VAT1L: variants seen among roughly 807,000 people sequenced by gnomAD.
VAT1L encodes the protein putative NADPH-dependent quinone oxidoreductase VAT1L.
A neutral mutation model predicts 44.1 loss-of-function variants in VAT1L; 34 were observed. The observed-to-expected ratio is 0.77, with a 90% CI of 0.59 to 1.03. The LOEUF is 1.03. Among genes scored for constraint, VAT1L ranks in the 50% least tolerant of loss-of-function variants. The probability of loss-of-function intolerance (pLI) is 0.00; values close to 1 mark genes in which losing one functional copy is unlikely to be tolerated. For missense variants in VAT1L, 615 were observed against 538.8 expected, an observed-to-expected ratio of 1.14 and a Z score of -1.40; for synonymous variants, 253 against 202.2, an observed-to-expected ratio of 1.25 and a Z score of -2.13.
intron 7 of VAT1L, among the ~76,000 whole-genome samples, chr16:77,899,832 C>G (rs1274486885): frequency 2.0e-5 from 3 of 152,244 alleles, no homozygotes; most frequent in Admixed American, 2.0e-4. Context: ...AGTAGTAGCA[C>G]AGATTCCCTT....
intron 5 of VAT1L, among the ~76,000 whole-genome samples, chr16:77,876,792 A>G (rs567900554): frequency 1.3e-4 from 20 of 152,314 alleles, no homozygotes; most frequent in African/African-American, 4.6e-4. Context: ...AATGACTTCA[A>G]AGGAAGTTCA....
At chr16:77,851,539 G>C (rs572869386) in intron 3 of VAT1L, among the ~76,000 whole-genome samples, 1 of 152,228 alleles carries the variant, frequency 6.6e-6, no homozygotes, top group African/African-American at 2.4e-5. Flanking sequence ...TGTAGTTCCA[G>C]CTATATGAGA....
intron 4 of VAT1L, among the ~76,000 whole-genome samples, chr16:77,867,643 G>C (rs2016989176): frequency 1.3e-5 from 2 of 152,112 alleles, no homozygotes; most frequent in Non-Finnish European, 2.9e-5. Context: ...AGGATCACCT[G>C]AGGTCAGGAG....
In VAT1L at chr16:77,925,827, T is replaced by C. The variant is rs558341474; in HGVS notation, c.1077+41025T>C. Among the ~76,000 whole-genome samples, 544 of 149,088 alleles carry C rather than the reference T, an allele frequency of 3.6e-3. 7 individuals are homozygous for C. The highest frequency in any genetic ancestry group is 2.3e-3 in the Non-Finnish European group (156 of 67,990). On this transcript the variant is annotated intron_variant, in intron 7 of 8. Transcript: ENST00000302536. Reference sequence around the variant, plus strand: ...ACATAAAAAGCCAGAAGCAGCATCTTCCTTTAATTCCCCCCACCTCCCCCT... The same window carrying C: ...ACATAAAAAGCCAGAAGCAGCATCTCCCTTTAATTCCCCCCACCTCCCCCT...
chr16:77,957,976 C>G (rs2018121830), intron 7 of VAT1L, among the ~76,000 whole-genome samples: 1 of 151,982 alleles, frequency 6.6e-6, no homozygotes, highest in African/African-American at 2.4e-5. Flanking sequence ...GGTGTGCTCT[C>G]AGCTCACTGC....
chr16:77,950,437 C>CACAT (rs1444718569), intron 7 of VAT1L, among the ~76,000 whole-genome samples: 3 of 151,640 alleles, frequency 2.0e-5, no homozygotes, highest in Non-Finnish European at 4.4e-5. Context: ...CACACACACA[C>CACAT]ACACACACAC....
intron 3 of VAT1L, among the ~76,000 whole-genome samples, chr16:77,831,678 A>G (rs766514982): frequency 1.3e-4 from 20 of 152,236 alleles, no homozygotes; most frequent in Non-Finnish European, 4.4e-5. Context: ...CAAAGGAGCT[A>G]TGAGAAATAC....
rs532686403 is a variant in VAT1L at position 77,823,829 on chromosome 16, C to T, written c.364-1417C>T. Among the ~76,000 whole-genome samples the T allele has an allele frequency of 2.0e-5, 3 of 152,228 alleles. No individual in the cohort carries two copies. In the East Asian group the frequency reaches 5.8e-4, roughly 29 times the overall value. On this transcript the variant is annotated intron_variant, in intron 2 of 8. Transcript: ENST00000302536. ...GGTCAGGAGTTCACAACCAGCCTAA[C>T]ATGGTGAAACCCCGTCTCTAATAAA...
intron 4 of VAT1L, among the ~76,000 whole-genome samples, chr16:77,865,554 G>A (rs1054845346): frequency 6.6e-6 from 1 of 152,130 alleles, no homozygotes; most frequent in South Asian, 2.1e-4. Context: ...ACTATAAAGA[G>A]AAATAACTGA....
intron 7 of VAT1L, among the ~76,000 whole-genome samples, chr16:77,955,035 G>A (rs1222347762): frequency 6.6e-6 from 1 of 152,140 alleles, no homozygotes; most frequent in East Asian, 1.9e-4. Flanking sequence ...ACCATATTGT[G>A]TTCTGTTCAT....
intron 7 of VAT1L, among the ~76,000 whole-genome samples, chr16:77,921,856 ACCTCAG>A (rs5818098): frequency 0.06 from 9,170 of 151,946 alleles, 337 homozygotes; most frequent in East Asian, 0.12. Flanking sequence ...CAATCCTCCC[ACCTCAG>A]CCTCCCGAGT....
At position 77,912,195 on chromosome 16, in the gene VAT1L, G is replaced by C. The variant is rs189483527; in HGVS notation, c.1077+27393G>C. On this transcript the variant is annotated intron_variant, in intron 7 of 8. Transcript: ENST00000302536. ...GACTCTACCACTTCCCAGCATAAGT[G>C]AGTTCTCTTTAGTTGTTTTCAACAT... 7.2e-5 allele frequency among the ~76,000 whole-genome samples: 11 copies of C among 152,280 alleles called. No homozygotes were observed. In the East Asian group the frequency reaches 2.1e-3, roughly 29 times the overall value.
chr16:77,834,764 T>G (rs1430214147), intron 3 of VAT1L, among the ~76,000 whole-genome samples: 1 of 152,224 alleles, frequency 6.6e-6, no homozygotes, highest in Non-Finnish European at 1.5e-5. Flanking sequence ...CTTTTCTGCA[T>G]CCCAGACTGC....
At chr16:77,865,814 G>A (rs553552125) in intron 4 of VAT1L, among the ~76,000 whole-genome samples, 1 of 152,232 alleles carries the variant, frequency 6.6e-6, no homozygotes, top group East Asian at 1.9e-4. Flanking sequence ...TGTGGGGAGT[G>A]GGAAGAGAAG....
chr16:77,952,301 C>A (rs1201050334), intron 7 of VAT1L, among the ~76,000 whole-genome samples: 1 of 152,106 alleles, frequency 6.6e-6, no homozygotes, highest in African/African-American at 2.4e-5. Context: ...TGTCCCAACC[C>A]AAATTTCATG....
chr16:77,902,740 G>GGA (rs1567503296), intron 7 of VAT1L, among the ~76,000 whole-genome samples: 12 of 132,428 alleles, frequency 9.1e-5, no homozygotes, highest in African/African-American at 1.2e-4. Flanking sequence ...GGTGGGGGGG[G>GGA]TGTGGATCAC....
At chr16:77,950,278 G>A (rs528694475) in intron 7 of VAT1L, among the ~76,000 whole-genome samples, 2 of 152,034 alleles carry the variant, frequency 1.3e-5, no homozygotes, top group Non-Finnish European at 2.9e-5. Flanking sequence ...GTGTGGTGGT[G>A]GGTGCCTGTA....
At chr16:77,850,114 C>T (rs560606357) in intron 3 of VAT1L, among the ~76,000 whole-genome samples, 24 of 152,284 alleles carry the variant, frequency 1.6e-4, no homozygotes, top group Middle Eastern at 3.4e-3. Context: ...CCCAAGTAAA[C>T]GCCTTTGCTT....
intron 7 of VAT1L, among the ~76,000 whole-genome samples, chr16:77,887,270 A>C (rs574811444): frequency 7.9e-5 from 12 of 152,272 alleles, no homozygotes; most frequent in African/African-American, 2.9e-4. Flanking sequence ...GCTGGATGGA[A>C]ATTTGGGTTT....
Sources: allele counts gnomAD v4.1 joint callset (sites outside exome capture counted in the v4.1 genomes callset), GRCh38; gene constraint gnomAD v4.1.1; transcripts MANE v1.5; gene names NCBI Gene and HGNC (gene_info 2026-07-23, HGNC 2026-07-21).